The following ARAP2 variants were observed in gnomAD, a reference collection of about 807,000 sequenced individuals.
The protein encoded by ARAP2 is arf-GAP with Rho-GAP domain, ANK repeat and PH domain-containing protein 2.
ARAP2 carries 148 observed loss-of-function variants against 194.5 expected under a neutral mutation model. The observed-to-expected ratio is 0.76, with a 90% CI of 0.67 to 0.87. ARAP2 has a LOEUF of 0.87. Ranked by LOEUF, ARAP2 falls within the 40% of genes least tolerant of loss-of-function variation. The probability of loss-of-function intolerance (pLI) is 0.00; values close to 1 mark genes in which losing one functional copy is unlikely to be tolerated. For missense variants in ARAP2, 2,128 were observed against 1,989.7 expected, an observed-to-expected ratio of 1.07 and a Z score of -1.32; for synonymous variants, 695 against 683.5, an observed-to-expected ratio of 1.02 and a Z score of -0.26.
chr4:36,133,742 A>C (rs1214274248), intron 19 of ARAP2, among the ~76,000 whole-genome samples: 1 of 151,822 alleles, frequency 6.6e-6, no homozygotes, highest in African/African-American at 2.4e-5. Context: ...TCTTAAAAAG[A>C]GAAAAAAACT....
chr4:36,213,921 A>G (rs1747339483), intron 3 of ARAP2, among the ~76,000 whole-genome samples: 1 of 152,162 alleles, frequency 6.6e-6, no homozygotes, highest in Non-Finnish European at 1.5e-5. Context: ...TACTCTGGCA[A>G]AAATTTTTCT....
intron 15 of ARAP2, among the ~76,000 whole-genome samples, chr4:36,153,093 G>A (rs74987139): frequency 0.01 from 1,581 of 152,284 alleles, 34 homozygotes; most frequent in African/African-American, 0.037. Flanking sequence ...CTTTAAAAGG[G>A]TATGTACAAA....
In ARAP2 at chr4:36,114,453, C is replaced by A. The variant is rs577939102; in HGVS notation, c.4039-166G>T. 6.6e-5 allele frequency among the ~76,000 whole-genome samples: 10 copies of A among 152,094 alleles called. No homozygotes were observed. In the South Asian group the frequency reaches 1.9e-3, roughly 28 times the overall value. On this transcript the variant is annotated intron_variant, in intron 25 of 32. Coordinates refer to ENST00000303965, the MANE Select transcript of ARAP2 (RefSeq NM_015230.4). ...CATACAGAAAACAGCATGTTCAGATCTTTTCCATAAAATGTACATAAGTAC... is the reference window on the plus strand; with the variant it reads ...CATACAGAAAACAGCATGTTCAGATATTTTCCATAAAATGTACATAAGTAC...
chr4:36,194,763 GACA>G (rs755861368), intron 6 of ARAP2, among the ~76,000 whole-genome samples: 32 of 151,960 alleles, frequency 2.1e-4, no homozygotes, highest in African/African-American at 4.1e-4. Flanking sequence ...CTTTACTGCA[GACA>G]ACATTTTCAC....
chr4:36,079,452 G>A (rs1288857048), intron 31 of ARAP2, among the ~76,000 whole-genome samples: 1 of 152,116 alleles, frequency 6.6e-6, no homozygotes, highest in Non-Finnish European at 1.5e-5. Context: ...TACCTCCTCA[G>A]TAATAAAGAA....
chr4:36,191,736 G>T (rs971185839), intron 7 of ARAP2, among the ~76,000 whole-genome samples: 3 of 151,970 alleles, frequency 2.0e-5, no homozygotes, highest in African/African-American at 7.3e-5. Context: ...CAGGTATCTA[G>T]GGCAAGCCTG....
At chr4:36,151,596 G>T (rs983483893) in intron 15 of ARAP2, among the ~76,000 whole-genome samples, 1 of 152,100 alleles carries the variant, frequency 6.6e-6, no homozygotes, top group African/African-American at 2.4e-5. Flanking sequence ...AGATATAATG[G>T]ATAAAGTCTA....
chr4:36,232,029 T>A (rs757063917), intron 1 of ARAP2, among the ~76,000 whole-genome samples: 8 of 152,128 alleles, frequency 5.3e-5, no homozygotes, highest in Non-Finnish European at 1.2e-4. Flanking sequence ...GCCCTCTATG[T>A]AAGGACACAG....
At chr4:36,040,941 T>C (rs1270926635) in intron 5 of ARAP2, among the ~76,000 whole-genome samples, 2 of 152,176 alleles carry the variant, frequency 1.3e-5, no homozygotes, top group Non-Finnish European at 1.5e-5. Context: ...TGCTTCCAGC[T>C]TCCAGTATGG....
At chr4:36,232,242 C>G (rs1203664178) in intron 1 of ARAP2, among the ~76,000 whole-genome samples, 1 of 152,168 alleles carries the variant, frequency 6.6e-6, no homozygotes, top group Non-Finnish European at 1.5e-5. Context: ...GCCATGGTTC[C>G]GAAACTCATG....
chr4:36,033,090 T>C (rs7687127), intron 5 of ARAP2, among the ~76,000 whole-genome samples: 111,986 of 152,124 alleles, frequency 0.74, 42,185 homozygotes, highest in Admixed American at 0.85. Flanking sequence ...GGCATCGAGA[T>C]TGATTCTATA....
intron 7 of ARAP2, among the ~76,000 whole-genome samples, chr4:36,188,606 G>A (rs1741116429): frequency 6.6e-6 from 1 of 152,188 alleles, no homozygotes; most frequent in Non-Finnish European, 1.5e-5. Flanking sequence ...CAAAAGATAG[G>A]AGGCTGATAA....
chr4:36,115,731 G>A (rs950787369), intron 25 of ARAP2, among the ~76,000 whole-genome samples: 1 of 151,894 alleles, frequency 6.6e-6, no homozygotes, highest in African/African-American at 2.4e-5. Flanking sequence ...TACCTCCATG[G>A]GTTGAGGTAA....
At chr4:36,104,258 T>G (rs1717792417) in intron 27 of ARAP2, among the ~76,000 whole-genome samples, 1 of 151,982 alleles carries the variant, frequency 6.6e-6, no homozygotes, top group African/African-American at 2.4e-5. Context: ...AAGAAATTCT[T>G]AAGAAAGGAA....
intron 2 of ARAP2, 118 bp from the exon 3 acceptor site, chr4:36,214,598 G>A: frequency 1.7e-6 from 1 of 587,964 alleles, no homozygotes; most frequent in Non-Finnish European, 2.7e-6. Flanking sequence ...TTAAGTGAAG[G>A]ATTTATTAGA....
intron 8 of ARAP2, among the ~76,000 whole-genome samples, chr4:36,180,012 C>T (rs1300268991): frequency 2.0e-5 from 3 of 152,112 alleles, no homozygotes; most frequent in Non-Finnish European, 4.4e-5. Flanking sequence ...GTGTCCCACA[C>T]CCGTAATCCC....
chr4:36,022,708 G>T (rs1425425604), intron 5 of ARAP2, among the ~76,000 whole-genome samples: 1 of 152,122 alleles, frequency 6.6e-6, no homozygotes, highest in Non-Finnish European at 1.5e-5. Context: ...GATAGGAAAA[G>T]TAAGAGTTTA....
Position 36,089,794 on chromosome 4 carries a change from T to C in ARAP2, c.4425+2087A>G, listed in dbSNP as rs76319727. On this transcript the variant is annotated intron_variant, in intron 28 of 32. Coordinates refer to ENST00000303965, the MANE Select transcript of ARAP2 (RefSeq NM_015230.4). ...TTTTATTGAACTGCTTTTCTTATTGTTGATTTAGAAGAGCTCTTTATACTC... is the reference window on the plus strand; with the variant it reads ...TTTTATTGAACTGCTTTTCTTATTGCTGATTTAGAAGAGCTCTTTATACTC... 4.6e-3 allele frequency among the ~76,000 whole-genome samples: 707 copies of C among 152,224 alleles called. 4 individuals are homozygous for C. The highest frequency in any genetic ancestry group is 0.016 in the African/African-American group (664 of 41,566).
At chr4:36,089,213 G>A (rs1166976644) in intron 28 of ARAP2, among the ~76,000 whole-genome samples, 2 of 152,072 alleles carry the variant, frequency 1.3e-5, no homozygotes, top group African/African-American at 4.8e-5. Flanking sequence ...GACTTCTTAT[G>A]CACAGACTTA....
Sources: gnomAD v4.1 joint callset for allele counts (sites outside exome capture counted in the v4.1 genomes callset) on GRCh38, gnomAD v4.1.1 for gene constraint, MANE v1.5 for transcripts, NCBI Gene and HGNC (gene_info 2026-07-23, HGNC 2026-07-21) for gene names.